Variants in MGAT4C observed in about 807,000 individuals in gnomAD.
The protein encoded by MGAT4C is alpha-1,3-mannosyl-glycoprotein 4-beta-N-acetylglucosaminyltransferase C.
A neutral mutation model predicts 40.1 loss-of-function variants in MGAT4C; 19 were observed. The ratio of observed to expected loss-of-function variants is 0.47; its 90% CI spans 0.33 to 0.70. The LOEUF is 0.70. Among genes scored for constraint, MGAT4C ranks in the 30% least tolerant of loss-of-function variants. The pLI, the probability that MGAT4C is intolerant of heterozygous loss-of-function variation, is 0.02. For synonymous variants in MGAT4C, 181 were observed against 187.1 expected (o/e 0.97, Z 0.27); for missense variants, 491 against 563.2 (o/e 0.87, Z 1.30).
chr12:86,818,611 C>T (rs1415084566), intron 1 of MGAT4C, among the ~76,000 whole-genome samples: 2 of 150,680 alleles, frequency 1.3e-5, no homozygotes, highest in South Asian at 2.1e-4. Flanking sequence ...CAACGGCTCC[C>T]GTGTGGAATA....
chr12:86,488,670 G>A (rs147184210), intron 2 of MGAT4C, among the ~76,000 whole-genome samples: 9 of 152,146 alleles, frequency 5.9e-5, no homozygotes, highest in East Asian at 5.8e-4. Flanking sequence ...ATGAGGAACC[G>A]TATTATTTCT....
chr12:86,420,447 A>G (rs2136255322), intron 3 of MGAT4C, among the ~76,000 whole-genome samples: 1 of 152,252 alleles, frequency 6.6e-6, no homozygotes, highest in East Asian at 1.9e-4. Flanking sequence ...GCTAATGCAT[A>G]GGTAGCAAGA....
chr12:86,228,972 G>A (rs1025565705), intron 1 of MGAT4C, among the ~76,000 whole-genome samples: 1 of 151,770 alleles, frequency 6.6e-6, no homozygotes, highest in Non-Finnish European at 1.5e-5. Context: ...ATGTCTGGAG[G>A]GATCATGAAA....
Position 85,980,267 on chromosome 12 carries a change from G to T in MGAT4C, c.459C>A (p.Val153=), listed in dbSNP as rs1884412586. 6.2e-7 allele frequency: 1 copy of T among 1,613,880 alleles called. No homozygotes were observed. The highest frequency in any genetic ancestry group is 1.1e-5 in the South Asian group (1 of 91,068). The change falls in exon 5 of 5, where the codon GTC becomes GTA. Residue 153 remains valine, a synonymous_variant. Transcript: ENST00000611864. ...GCGCAAATTTCTGTGTAATATCCTG[G>T]ACCATGGCATCACGCCAGGAAGAAT... ...DFNSSWRDAM[V]QDITQKFAHH... is the part of the protein sequence containing the mutation.
At chr12:86,772,232 G>A (rs1466948708) in intron 1 of MGAT4C, among the ~76,000 whole-genome samples, 1 of 152,150 alleles carries the variant, frequency 6.6e-6, no homozygotes, top group Non-Finnish European at 1.5e-5. Context: ...GATCCTCCTG[G>A]ACTGTCCTCA....
intron 1 of MGAT4C, among the ~76,000 whole-genome samples, chr12:86,250,210 C>A (rs1045627880): frequency 5.3e-5 from 8 of 151,968 alleles, no homozygotes; most frequent in African/African-American, 1.4e-4. Context: ...GGAAGAATAA[C>A]CTAATTTAAA....
At chr12:86,014,380 ATT>A (rs1377958033) in intron 2 of MGAT4C, among the ~76,000 whole-genome samples, 1 of 152,096 alleles carries the variant, frequency 6.6e-6, no homozygotes, top group Non-Finnish European at 1.5e-5. Flanking sequence ...ATCTTGATCC[ATT>A]TCCAGCCTAG....
chr12:86,728,686 G>A (rs773971305), intron 1 of MGAT4C, among the ~76,000 whole-genome samples: 11 of 152,236 alleles, frequency 7.2e-5, no homozygotes, highest in Middle Eastern at 3.4e-3. Flanking sequence ...GTGAGACTCC[G>A]TCTCAAAAGA....
At chr12:86,616,929 T>C (rs1962470292) in intron 2 of MGAT4C, among the ~76,000 whole-genome samples, 1 of 152,146 alleles carries the variant, frequency 6.6e-6, no homozygotes, top group Non-Finnish European at 1.5e-5. Flanking sequence ...CAAATCTTAC[T>C]TCTCAAAAAC....
At chr12:86,280,670 A>G (rs549580037) in intron 4 of MGAT4C, among the ~76,000 whole-genome samples, 1 of 149,252 alleles carries the variant, frequency 6.7e-6, no homozygotes, top group South Asian at 2.1e-4. Context: ...AACCTCTCTT[A>G]CTAGTTTACA....
chr12:85,957,213 AGTTTAT>A lies in MGAT4C; in HGVS notation c.*22070_*22075del, dbSNP rs1184004705. 6 of 152,204 alleles carry A rather than the reference AGTTTAT, an allele frequency of 3.9e-5. No individual in the cohort carries two copies. The highest frequency in any genetic ancestry group is 1.2e-4 in the African/African-American group (5 of 41,460). 9.4% of individuals were successfully genotyped at this position (152,204 alleles called of 1,614,324 possible). A position where few individuals can be genotyped will look rare whatever the true frequency, so the allele number is the denominator to read the frequency against. ...GGGCTAAAAGCAGGAAGTTGAGGAA[AGTTTAT>A]GTTTAATTTTTATTTTATTTTCTTC... On this transcript the variant is annotated 3_prime_UTR_variant, in exon 5 of 5. Transcript: ENST00000611864.
At chr12:86,235,615 T>C (rs1951501529) in intron 1 of MGAT4C, among the ~76,000 whole-genome samples, 1 of 152,146 alleles carries the variant, frequency 6.6e-6, no homozygotes, top group South Asian at 2.1e-4. Flanking sequence ...TGTTTGTATA[T>C]GCTGTCTGAA....
intron 2 of MGAT4C, among the ~76,000 whole-genome samples, chr12:86,666,447 C>T (rs1477481145): frequency 6.6e-6 from 1 of 152,072 alleles, no homozygotes; most frequent in African/African-American, 2.4e-5. Context: ...GTCCACAACA[C>T]TCTTTCCTTA....
chr12:86,683,576 A>G (rs1193688242), intron 2 of MGAT4C, among the ~76,000 whole-genome samples: 2 of 151,054 alleles, frequency 1.3e-5, no homozygotes, highest in African/African-American at 4.9e-5. Flanking sequence ...CACTACTATG[A>G]AAAAAAAACC....
In MGAT4C at chr12:86,162,697, T is replaced by G. The variant is rs73380881; in HGVS notation, c.-57+93542A>C. 3.2e-3 allele frequency among the ~76,000 whole-genome samples: 494 copies of G among 152,256 alleles called. 2 individuals are homozygous for G. The highest frequency in any genetic ancestry group is 0.012 in the African/African-American group (482 of 41,566). On this transcript the variant is annotated intron_variant, in intron 1 of 4. Transcript: ENST00000611864. ...ATTATAAAGCCTTTAATATGTCAGGTCAACAAACAGCTATTGACAGCAAAT... is the reference window on the plus strand; with the variant it reads ...ATTATAAAGCCTTTAATATGTCAGGGCAACAAACAGCTATTGACAGCAAAT...
At chr12:86,364,293 A>G (rs1955545212) in intron 3 of MGAT4C, among the ~76,000 whole-genome samples, 1 of 152,148 alleles carries the variant, frequency 6.6e-6, no homozygotes, top group Non-Finnish European at 1.5e-5. Context: ...TCCCTCATGA[A>G]CATAGATACA....
At chr12:86,228,236 G>T (rs1272432449) in intron 1 of MGAT4C, among the ~76,000 whole-genome samples, 1 of 151,704 alleles carries the variant, frequency 6.6e-6, no homozygotes, top group East Asian at 1.9e-4. Context: ...AAGAGAGAGA[G>T]AGTAAAAATT....
At chr12:85,986,405 G>T (rs2136704666) in intron 3 of MGAT4C, among the ~76,000 whole-genome samples, 1 of 152,338 alleles carries the variant, frequency 6.6e-6, no homozygotes, top group African/African-American at 2.4e-5. Context: ...GATTGGGCAT[G>T]CAGTGTCTCT....
intron 1 of MGAT4C, among the ~76,000 whole-genome samples, chr12:86,135,387 G>A (rs1292203471): frequency 6.6e-6 from 1 of 152,046 alleles, no homozygotes; most frequent in Non-Finnish European, 1.5e-5. Flanking sequence ...TGTTTTAAAC[G>A]TTTTTCAGTT....
Sources: gnomAD v4.1 joint callset for allele counts (sites outside exome capture counted in the v4.1 genomes callset) on GRCh38, gnomAD v4.1.1 for gene constraint, MANE v1.5 for transcripts, NCBI Gene and HGNC (gene_info 2026-07-23, HGNC 2026-07-21) for gene names.